The following TTC29 variants were observed in gnomAD, a reference collection of about 807,000 sequenced individuals.
The protein encoded by TTC29 is tetratricopeptide repeat protein 29.
TTC29 carries 49 observed loss-of-function variants against 58.1 expected under a neutral mutation model. The observed-to-expected ratio is 0.84, with a 90% CI of 0.67 to 1.07. The LOEUF (loss-of-function observed/expected upper bound fraction) is 1.07. Among genes scored for constraint, TTC29 ranks in the 50% least tolerant of loss-of-function variants. TTC29 has a pLI of 0.00. For missense variants in TTC29, 582 were observed against 555.6 expected (o/e 1.05, Z -0.48); for synonymous variants, 209 against 196.8 (o/e 1.06, Z -0.52).
At chr4:146,938,733 C>T in intron 3 of TTC29, among the ~76,000 whole-genome samples, 1 of 151,894 alleles carries the variant, frequency 6.6e-6, no homozygotes, top group East Asian at 1.9e-4. Context: ...TTGGTATTTC[C>T]TAGAAATACT....
At chr4:146,879,827 A>G (rs1449394300) in intron 6 of TTC29, among the ~76,000 whole-genome samples, 1 of 152,210 alleles carries the variant, frequency 6.6e-6, no homozygotes, top group Non-Finnish European at 1.5e-5. Flanking sequence ...TATCACAAAT[A>G]CAAAGGTTAA....
intron 11 of TTC29, among the ~76,000 whole-genome samples, chr4:146,771,530 C>T (rs368527383): frequency 6.6e-6 from 1 of 151,960 alleles, no homozygotes; most frequent in Admixed American, 6.6e-5. Flanking sequence ...CTGTTTCTGT[C>T]TTAGTTCACT....
At chr4:146,787,281 G>C (rs1475418437) in intron 11 of TTC29, among the ~76,000 whole-genome samples, 1 of 152,140 alleles carries the variant, frequency 6.6e-6, no homozygotes, top group Non-Finnish European at 1.5e-5. Flanking sequence ...ATTATCATAG[G>C]TGGGACAAAT....
intron 6 of TTC29, among the ~76,000 whole-genome samples, chr4:146,890,899 G>A (rs1319033675): frequency 1.3e-5 from 2 of 152,058 alleles, no homozygotes; most frequent in South Asian, 2.1e-4. Context: ...CAGCTCACAT[G>A]GTTGAGTTTG....
chr4:146,892,143 T>C (rs1487009254), intron 6 of TTC29, among the ~76,000 whole-genome samples: 1 of 152,128 alleles, frequency 6.6e-6, no homozygotes, highest in Admixed American at 6.6e-5. Flanking sequence ...GTTCTCATGA[T>C]AGTGAGTGAG....
In TTC29 at chr4:146,888,903, G is replaced by C. The variant is rs560779924; in HGVS notation, c.587-13975C>G. Among the ~76,000 whole-genome samples, 8 of 152,168 alleles carry C rather than the reference G, an allele frequency of 5.3e-5. No individual in the cohort carries two copies. The East Asian group carries it at 1.6e-3, about 30-fold the overall frequency. On this transcript the variant is annotated intron_variant, in intron 6 of 12. Transcript: ENST00000325106. ...TAGAGCTGAGGGAAGCAAGATCTAC[G>C]ATGATTAAATAACTCACCTAGATTT... is the stretch of plus-strand genomic sequence containing the variant.
chr4:146,819,208 C>G (rs555269767), intron 10 of TTC29, among the ~76,000 whole-genome samples: 128 of 152,020 alleles, frequency 8.4e-4, no homozygotes, highest in African/African-American at 3.0e-3. Context: ...TTAATATGCA[C>G]AATAACTTTA....
chr4:146,725,377 T>A (rs190646151), intron 11 of TTC29, among the ~76,000 whole-genome samples: 19 of 152,024 alleles, frequency 1.2e-4, no homozygotes, highest in African/African-American at 4.6e-4. Flanking sequence ...CCACAAAAAA[T>A]TTTAAAAAAT....
chr4:146,937,435 T>A (rs1237373429), intron 4 of TTC29, among the ~76,000 whole-genome samples, 159 bp downstream of exon 4: 1 of 152,006 alleles, frequency 6.6e-6, no homozygotes, highest in Non-Finnish European at 1.5e-5. Flanking sequence ...ATGTGTGAGA[T>A]CAATAGACAT....
chr4:146,758,912 T>C (rs1032535575), intron 11 of TTC29, among the ~76,000 whole-genome samples: 1 of 151,910 alleles, frequency 6.6e-6, no homozygotes, highest in African/African-American at 2.4e-5. Context: ...ACTGACACTA[T>C]AAGGTCACAA....
chr4:146,914,187 T>TA (rs1022074374), intron 4 of TTC29, among the ~76,000 whole-genome samples: 50 of 151,938 alleles, frequency 3.3e-4, no homozygotes, highest in African/African-American at 1.0e-3. Flanking sequence ...ATCGGCTATC[T>TA]AAAAAAAAGG....
At chr4:146,737,594 G>A (rs551439969) in intron 11 of TTC29, among the ~76,000 whole-genome samples, 1 of 148,766 alleles carries the variant, frequency 6.7e-6, no homozygotes, top group East Asian at 2.0e-4. Context: ...TAGCCCTGGG[G>A]GGGGGGGGGC....
intron 4 of TTC29, among the ~76,000 whole-genome samples, chr4:146,932,788 G>A (rs1735441186): frequency 6.6e-6 from 1 of 152,124 alleles, no homozygotes; most frequent in Non-Finnish European, 1.5e-5. Flanking sequence ...CAGGCGCGGT[G>A]GTTCACGCCT....
At chr4:146,791,414 A>C (rs1329424587) in intron 11 of TTC29, among the ~76,000 whole-genome samples, 1 of 152,136 alleles carries the variant, frequency 6.6e-6, no homozygotes, top group Admixed American at 6.6e-5. Context: ...CTTTGATGTT[A>C]TTATTGTAAT....
At chr4:146,716,573 T>C (rs1026139222) in intron 11 of TTC29, among the ~76,000 whole-genome samples, 7 of 152,182 alleles carry the variant, frequency 4.6e-5, no homozygotes, top group Non-Finnish European at 1.0e-4. Flanking sequence ...ATATTTTTAA[T>C]GAATAATCCA....
chr4:146,921,197 C>T (rs1170516158), intron 4 of TTC29, among the ~76,000 whole-genome samples: 1 of 151,252 alleles, frequency 6.6e-6, no homozygotes, highest in Non-Finnish European at 1.5e-5. Context: ...AATGCTTTGG[C>T]TAGAAAACAT....
At chr4:146,943,769 C>T (rs182615233) in intron 2 of TTC29, among the ~76,000 whole-genome samples, 76 of 152,274 alleles carry the variant, frequency 5.0e-4, no homozygotes, top group Admixed American at 4.9e-3. Context: ...GCAGGGTTTG[C>T]AGTACTTCCA....
At chr4:146,758,512 T>C (rs541405559) in intron 11 of TTC29, among the ~76,000 whole-genome samples, 152 of 152,160 alleles carry the variant, frequency 1.0e-3, no homozygotes, top group African/African-American at 3.5e-3. Flanking sequence ...ATACAGAACG[T>C]TTCATCCAAC....
At chr4:146,758,910 T>A (rs1392465546) in intron 11 of TTC29, among the ~76,000 whole-genome samples, 1 of 151,908 alleles carries the variant, frequency 6.6e-6, no homozygotes, top group Non-Finnish European at 1.5e-5. Context: ...GAACTGACAC[T>A]ATAAGGTCAC....
Sources: allele counts gnomAD v4.1 joint callset (sites outside exome capture counted in the v4.1 genomes callset), GRCh38; gene constraint gnomAD v4.1.1; transcripts MANE v1.5; gene names NCBI Gene and HGNC (gene_info 2026-07-23, HGNC 2026-07-21).